PRDM16: variants seen among roughly 807,000 people sequenced by gnomAD.
PRDM16 encodes the protein PR/SET domain 16.
In PRDM16, 23 loss-of-function variants were observed where a neutral mutation model predicts 110.6. The ratio of observed to expected loss-of-function variants is 0.21; its 90% CI spans 0.15 to 0.29. The LOEUF is 0.29. Among genes scored for constraint, PRDM16 ranks in the 10% least tolerant of loss-of-function variants. PRDM16 has a pLI of 1.00. For synonymous variants in PRDM16, 799 were observed against 781.8 expected, an observed-to-expected ratio of 1.02 and a Z score of -0.37; for missense variants, 1,615 against 1,794.3, an observed-to-expected ratio of 0.90 and a Z score of 1.81.
At chr1:3,193,252 C>T (rs185756347) in intron 2 of PRDM16, among the ~76,000 whole-genome samples, 76 of 152,326 alleles carry the variant, frequency 5.0e-4, no homozygotes, top group African/African-American at 1.3e-3. Context: ...CTGCCCGTCC[C>T]GCCTCCAGGG....
At chr1:3,319,993 T>C (rs1337592731) in intron 3 of PRDM16, among the ~76,000 whole-genome samples, 1 of 152,114 alleles carries the variant, frequency 6.6e-6, no homozygotes, top group Non-Finnish European at 1.5e-5. Context: ...CTACACATGG[T>C]GGGTGACTCT....
chr1:3,200,926 G>A (rs1185623023), intron 2 of PRDM16, among the ~76,000 whole-genome samples: 1 of 151,952 alleles, frequency 6.6e-6, no homozygotes, highest in Non-Finnish European at 1.5e-5. Context: ...GAAGAGAGGA[G>A]GAAGAGGAGC....
In PRDM16 at chr1:3,358,994, A is replaced by C. The variant is rs1011777216; in HGVS notation, c.439-26158A>C. 3.3e-5 allele frequency among the ~76,000 whole-genome samples: 5 copies of C among 152,204 alleles called. No homozygotes were observed. Among genetic ancestry groups the C allele is most frequent in the Non-Finnish European group, 5.9e-5 (4 of 68,042 alleles). On this transcript the variant is annotated intron_variant, in intron 3 of 16. Transcript: ENST00000270722. The surrounding 1 kb of genome is among the most constrained non-coding windows in gnomAD (Gnocchi z 4.0). ...ATGTTGTCATCTTGGGTCGCATTACAGCCAGTTGACTCGCGGAGTCCTCAC... is the reference window on the plus strand; with the variant it reads ...ATGTTGTCATCTTGGGTCGCATTACCGCCAGTTGACTCGCGGAGTCCTCAC...
chr1:3,432,039 C>T lies in PRDM16; in HGVS notation c.3595C>T (p.Arg1199Cys), dbSNP rs376762015. ...MPTFGKGLDL[R>C]RAAEEAFEVK... ...GACTTTTGGGAAGGGGCTGGACCTC[C>T]GCAGAGCAGCTGAGGAAGCATTTGA... The change falls in exon 16 of 17, where the codon CGC (arginine) becomes TGC (cysteine). Residue 1199 changes from arginine (R) to cysteine (C), a missense_variant. This residue lies in a region of PRDM16 where 327 missense variants were observed against 359.3 expected (regional missense o/e 0.91). Transcript: ENST00000270722. 58 of 1,614,074 alleles carry T rather than the reference C, an allele frequency of 3.6e-5. 1 individual carries two copies. In the Middle Eastern group the frequency reaches 9.9e-4, roughly 28 times the overall value.
rs1364729086 is a variant in PRDM16 at position 3,243,457 on chromosome 1, C to T, written c.388-630C>T. On this transcript the variant is annotated intron_variant, in intron 2 of 16. Coordinates refer to ENST00000270722, the MANE Select transcript of PRDM16 (RefSeq NM_022114.4). This position sits in a 1 kb window ranked among gnomAD's most constrained non-coding sequence, Gnocchi z 5.5. ...CCCACCAAGCCACCCTTCCGCAGGGCGTTGGCCGACCTCTGCCCCTGCCTC... is the reference window on the plus strand; with the variant it reads ...CCCACCAAGCCACCCTTCCGCAGGGTGTTGGCCGACCTCTGCCCCTGCCTC... Among the ~76,000 whole-genome samples the T allele has an allele frequency of 6.6e-6, 1 of 152,076 alleles. No homozygotes were observed. Among genetic ancestry groups the T allele is most frequent in the Non-Finnish European group, 1.5e-5 (1 of 68,018 alleles).
intron 2 of PRDM16, among the ~76,000 whole-genome samples, chr1:3,192,862 G>A (rs2100810664): frequency 6.6e-6 from 1 of 152,094 alleles, no homozygotes; most frequent in Middle Eastern, 3.4e-3. Flanking sequence ...TGGTCCCTGA[G>A]CCAGCAGTGC....
intron 3 of PRDM16, among the ~76,000 whole-genome samples, chr1:3,300,867 T>C (rs1296892953): frequency 6.6e-6 from 1 of 152,188 alleles, no homozygotes; most frequent in East Asian, 1.9e-4. Flanking sequence ...CTTTTGTCCT[T>C]CAGCACCACG....
chr1:3,276,277 G>T (rs898820425), intron 3 of PRDM16, among the ~76,000 whole-genome samples: 5 of 152,316 alleles, frequency 3.3e-5, no homozygotes, highest in East Asian at 3.9e-4. Flanking sequence ...CGCCATCCTC[G>T]CCAGGCCTGC....
In PRDM16 at chr1:3,141,162, C is replaced by T. The variant is rs115756074; in HGVS notation, c.38-44963C>T. Among the ~76,000 whole-genome samples, 740 of 152,292 alleles carry T rather than the reference C, an allele frequency of 4.9e-3. 6 individuals are homozygous for T. Among genetic ancestry groups the T allele is most frequent in the African/African-American group, 0.017 (690 of 41,546 alleles). On this transcript the variant is annotated intron_variant, in intron 1 of 16. Transcript: ENST00000270722. ...TTTTCATTCCCCAATTTCCAGCTCT[C>T]GGTAAAACCATCCTCCGTCCGCCCG...
rs945736685 is a variant in PRDM16 at position 3,080,315 on chromosome 1, T to C, written c.37+11019T>C. 6.6e-6 allele frequency among the ~76,000 whole-genome samples: 1 copy of C among 152,256 alleles called. No homozygotes were observed. Among genetic ancestry groups the C allele is most frequent in the Non-Finnish European group, 1.5e-5 (1 of 68,044 alleles). On this transcript the variant is annotated intron_variant, in intron 1 of 16. Transcript: ENST00000270722. This position sits in a 1 kb window ranked among gnomAD's most constrained non-coding sequence, Gnocchi z 5.2. ...GGGGTATTCAGTTCCCAGCCCAGGC[T>C]GAGCGTACAGCGAGTGACTGACAGA...
At chr1:3,180,159 T>C (rs1309339809) in intron 1 of PRDM16, among the ~76,000 whole-genome samples, 1 of 151,972 alleles carries the variant, frequency 6.6e-6, no homozygotes, top group Non-Finnish European at 1.5e-5. Flanking sequence ...ATTTCTGTTG[T>C]TTCTGTTTTT....
chr1:3,270,900 G>A (rs1640438086), intron 3 of PRDM16, among the ~76,000 whole-genome samples: 1 of 151,476 alleles, frequency 6.6e-6, no homozygotes, highest in Admixed American at 6.6e-5. Flanking sequence ...TTGGGAGGAG[G>A]GCAGTACAGA....
rs1401568530 is a variant in PRDM16 at position 3,080,551 on chromosome 1, A to T, written c.37+11255A>T. 6.6e-6 allele frequency among the ~76,000 whole-genome samples: 1 copy of T among 152,212 alleles called. No homozygotes were observed. Among genetic ancestry groups the T allele is most frequent in the Non-Finnish European group, 1.5e-5 (1 of 68,030 alleles). ...GTGATTTGGCATGACTTTAAAAATA[A>T]GATCTACTAAGATATGCTGGGTGGT... On this transcript the variant is annotated intron_variant, in intron 1 of 16. Coordinates refer to ENST00000270722, the MANE Select transcript of PRDM16 (RefSeq NM_022114.4). The surrounding 1 kb of genome is among the most constrained non-coding windows in gnomAD (Gnocchi z 5.2).
chr1:3,118,902 A>C (rs143956066), intron 1 of PRDM16, among the ~76,000 whole-genome samples: 2 of 152,318 alleles, frequency 1.3e-5, no homozygotes, highest in East Asian at 3.9e-4. Context: ...ACTCCCATCA[A>C]AGAAAGGCCT....
rs1642535621 is a variant in PRDM16 at position 3,353,528 on chromosome 1, C to T, written c.439-31624C>T. Among the ~76,000 whole-genome samples, 8 of 152,282 alleles carry T rather than the reference C, an allele frequency of 5.3e-5. No individual in the cohort carries two copies. The South Asian group carries it at 1.7e-3, about 32-fold the overall frequency. On this transcript the variant is annotated intron_variant, in intron 3 of 16. Transcript: ENST00000270722. The surrounding 1 kb of genome is among the most constrained non-coding windows in gnomAD (Gnocchi z 5.4). ...CATGGGAGCCCAAGGGTGGCTCCCTCGGGCCACCCCGTTACACTCCAGCCA... is the reference window on the plus strand; with the variant it reads ...CATGGGAGCCCAAGGGTGGCTCCCTTGGGCCACCCCGTTACACTCCAGCCA...
intron 1 of PRDM16, among the ~76,000 whole-genome samples, chr1:3,118,881 T>C (rs1283447888): frequency 6.6e-6 from 1 of 152,222 alleles, no homozygotes; most frequent in Non-Finnish European, 1.5e-5. Context: ...TGTGCCCAAG[T>C]GGGACTGAAG....
chr1:3,275,438 C>T lies in PRDM16; in HGVS notation c.438+31301C>T, dbSNP rs530989492. On this transcript the variant is annotated intron_variant, in intron 3 of 16. Coordinates refer to ENST00000270722, the MANE Select transcript of PRDM16 (RefSeq NM_022114.4). ...CCCACCCCTACCCCGCTGCAGGACA[C>T]CCCCAAGATGAAAGGGCAAGGAGAA... is the stretch of plus-strand genomic sequence containing the variant. 4.9e-3 allele frequency among the ~76,000 whole-genome samples: 741 copies of T among 152,286 alleles called. 6 individuals carry two copies. Among genetic ancestry groups the T allele is most frequent in the Non-Finnish European group, 7.9e-3 (539 of 68,016 alleles).
intron 1 of PRDM16, among the ~76,000 whole-genome samples, chr1:3,083,981 C>A (rs943955685): frequency 1.5e-4 from 23 of 152,232 alleles, no homozygotes; most frequent in Non-Finnish European, 2.4e-4. Context: ...GATCAGGAGA[C>A]CCTGTTCGCG....
intron 3 of PRDM16, among the ~76,000 whole-genome samples, chr1:3,258,136 T>G (rs1432030199): frequency 2.6e-5 from 4 of 152,160 alleles, no homozygotes; most frequent in Non-Finnish European, 4.4e-5. Flanking sequence ...ATCACAGACC[T>G]TGGAGGGGTG....
Sources: gnomAD v4.1 joint callset for allele counts (sites outside exome capture counted in the v4.1 genomes callset) on GRCh38, gnomAD v4.1.1 for gene constraint, gnomAD v4.1.1 regional missense constraint, Gnocchi (gnomAD v3.1) non-coding constraint, MANE v1.5 for transcripts, NCBI Gene and HGNC (gene_info 2026-07-23, HGNC 2026-07-21) for gene names.